The following CNTNAP5 variants were observed in gnomAD, a reference collection of about 807,000 sequenced individuals.
CNTNAP5 encodes contactin associated protein family member 5.
A neutral mutation model predicts 150.2 loss-of-function variants in CNTNAP5; 72 were observed. That is an observed-to-expected ratio of 0.48 (90% CI 0.40 to 0.58). The LOEUF (loss-of-function observed/expected upper bound fraction) is 0.58. CNTNAP5 is among the 20% of genes least tolerant of loss of function. The pLI is 0.00. For synonymous variants in CNTNAP5, 672 were observed against 619.8 expected (o/e 1.08, Z -1.25); for missense variants, 1,636 against 1,626.2 (o/e 1.01, Z -0.10).
intron 14 of CNTNAP5, among the ~76,000 whole-genome samples, chr2:124,751,235 C>T (rs1007250942): frequency 4.6e-5 from 7 of 151,288 alleles, no homozygotes; most frequent in Middle Eastern, 3.2e-3. Flanking sequence ...GTAGGGGGAA[C>T]ATCTGTGTGC....
chr2:124,307,783 A>T (rs575669136), intron 3 of CNTNAP5, among the ~76,000 whole-genome samples: 1 of 152,266 alleles, frequency 6.6e-6, no homozygotes, highest in African/African-American at 2.4e-5. Context: ...TGATGTAGCA[A>T]CCAGATTATG....
chr2:124,162,873 C>T (rs1274458752), intron 1 of CNTNAP5, among the ~76,000 whole-genome samples: 1 of 152,122 alleles, frequency 6.6e-6, no homozygotes, highest in Non-Finnish European at 1.5e-5. Flanking sequence ...TTCTGCTCCT[C>T]TCTGCACCTC....
intron 12 of CNTNAP5, among the ~76,000 whole-genome samples, chr2:124,642,217 A>G (rs1207832225): frequency 6.6e-6 from 1 of 152,166 alleles, no homozygotes; most frequent in Non-Finnish European, 1.5e-5. Flanking sequence ...AAAATGTTTC[A>G]GAATATTCCA....
chr2:124,256,414 A>G (rs1687316841), intron 3 of CNTNAP5, among the ~76,000 whole-genome samples: 2 of 152,034 alleles, frequency 1.3e-5, no homozygotes, highest in Admixed American at 1.3e-4. Context: ...TTTAAAGTTT[A>G]AGCATGAGGA....
At chr2:124,652,008 G>A (rs564727219) in intron 13 of CNTNAP5, among the ~76,000 whole-genome samples, 1 of 152,190 alleles carries the variant, frequency 6.6e-6, no homozygotes, top group African/African-American at 2.4e-5. Flanking sequence ...GGCAGGATAA[G>A]GTCGTGCATG....
intron 19 of CNTNAP5, among the ~76,000 whole-genome samples, chr2:124,849,451 T>G (rs906702542): frequency 6.6e-6 from 1 of 152,184 alleles, no homozygotes; most frequent in Non-Finnish European, 1.5e-5. Flanking sequence ...GTAATATAGC[T>G]AGAAATTATG....
chr2:124,538,876 A>T (rs1695310329), intron 10 of CNTNAP5, among the ~76,000 whole-genome samples: 1 of 152,202 alleles, frequency 6.6e-6, no homozygotes, highest in South Asian at 2.1e-4. Flanking sequence ...TCGATATCTC[A>T]ATAAGCCTTC....
chr2:124,648,007 A>G, intron 13 of CNTNAP5, 49 bp downstream of exon 13: 2 of 1,520,438 alleles, frequency 1.3e-6, no homozygotes, highest in Non-Finnish European at 1.8e-6. Context: ...GGACCCTCAG[A>G]CCTGGAGTAT....
chr2:124,401,019 G>A (rs764519309), intron 3 of CNTNAP5, among the ~76,000 whole-genome samples: 4 of 151,958 alleles, frequency 2.6e-5, no homozygotes, highest in African/African-American at 7.3e-5. Context: ...TTACAGACAC[G>A]TGCCACCACG....
At chr2:124,639,957 C>G (rs142309788) in intron 12 of CNTNAP5, among the ~76,000 whole-genome samples, 1 of 152,030 alleles carries the variant, frequency 6.6e-6, no homozygotes, top group Non-Finnish European at 1.5e-5. Flanking sequence ...GCTGCAGATA[C>G]TCTTCCCAAC....
intron 3 of CNTNAP5, among the ~76,000 whole-genome samples, chr2:124,268,341 CTG>C (rs1422836057): frequency 6.6e-6 from 1 of 152,076 alleles, no homozygotes; most frequent in Non-Finnish European, 1.5e-5. Flanking sequence ...TGTATAAGCT[CTG>C]TGTTGTACAG....
At chr2:124,817,489 C>A (rs1682389962) in intron 19 of CNTNAP5, among the ~76,000 whole-genome samples, 2 of 152,136 alleles carry the variant, frequency 1.3e-5, no homozygotes, top group Middle Eastern at 6.8e-3. Context: ...TTCTCTGGCT[C>A]TCAGTTTTCT....
intron 13 of CNTNAP5, among the ~76,000 whole-genome samples, chr2:124,708,217 C>T (rs1679733329): frequency 1.3e-5 from 2 of 152,050 alleles, no homozygotes; most frequent in African/African-American, 2.4e-5. Context: ...GAACTGCTTA[C>T]GAAGGTGTCA....
At chr2:124,535,588 C>A (rs547598625) in intron 10 of CNTNAP5, among the ~76,000 whole-genome samples, 4 of 149,260 alleles carry the variant, frequency 2.7e-5, no homozygotes, top group East Asian at 2.0e-4. Flanking sequence ...ATGGTGAAAC[C>A]CCGTCTCTAC....
At chr2:124,122,785 C>T (rs868653467) in intron 1 of CNTNAP5, among the ~76,000 whole-genome samples, 2 of 149,014 alleles carry the variant, frequency 1.3e-5, no homozygotes, top group African/African-American at 5.1e-5. Flanking sequence ...CACACACACA[C>T]ACACACACCC....
intron 1 of CNTNAP5, among the ~76,000 whole-genome samples, chr2:124,118,656 C>G (rs975849095): frequency 2.6e-5 from 4 of 152,120 alleles, no homozygotes; most frequent in Non-Finnish European, 4.4e-5. Context: ...ATGAAAGCTG[C>G]CTGCTACAGG....
chr2:124,099,452 C>T (rs758893886), intron 1 of CNTNAP5, among the ~76,000 whole-genome samples: 4 of 152,158 alleles, frequency 2.6e-5, no homozygotes, highest in Non-Finnish European at 5.9e-5. Context: ...CCCTATTGTC[C>T]AGCACAGCAC....
At chr2:124,091,096 A>G (rs192994600) in intron 1 of CNTNAP5, among the ~76,000 whole-genome samples, 2 of 152,332 alleles carry the variant, frequency 1.3e-5, no homozygotes, top group Non-Finnish European at 2.9e-5. Context: ...AAAGAGTCAC[A>G]AAGAGTCCCC....
At chr2:124,388,713 G>T (rs1167461038) in intron 3 of CNTNAP5, among the ~76,000 whole-genome samples, 2 of 151,840 alleles carry the variant, frequency 1.3e-5, no homozygotes, top group African/African-American at 4.8e-5. Context: ...TTTTGTTTTT[G>T]AGATGGAGTC....
Sources: allele counts gnomAD v4.1 joint callset (sites outside exome capture counted in the v4.1 genomes callset), GRCh38; gene constraint gnomAD v4.1.1; transcripts MANE v1.5; gene names NCBI Gene and HGNC (gene_info 2026-07-23, HGNC 2026-07-21).